Variants in MOG observed in about 807,000 individuals in gnomAD.
MOG encodes the protein myelin oligodendrocyte glycoprotein.
Under a neutral mutation model 35.9 loss-of-function variants are expected in MOG, and 20 were observed. That is an observed-to-expected ratio of 0.56 (90% CI 0.39 to 0.81). The LOEUF is 0.81. Among genes scored for constraint, MOG ranks in the 30% least tolerant of loss-of-function variants. The probability of loss-of-function intolerance (pLI) is 0.00; values close to 1 mark genes in which losing one functional copy is unlikely to be tolerated. For missense variants in MOG, 251 were observed against 301.0 expected (o/e 0.83, Z 1.23); for synonymous variants, 92 against 114.3 (o/e 0.80, Z 1.25).
rs1768909983 is a variant in MOG, at chr6:29,662,016, C to T, written c.436+2350C>T. 1.0e-6 allele frequency: 1 copy of T among 985,204 alleles called. No homozygotes were observed. The highest frequency in any genetic ancestry group is 1.2e-6 in the Non-Finnish European group (1 of 829,932). The allele number at this position is 985,204 out of a possible 1,614,324, so 61.0% of individuals were successfully genotyped here. ...AGGCTTTGGAGCCAGGAAGTTGAGA[C>T]AAATTTAGGAATGAGATGAAGTAAT... On this transcript the variant is annotated intron_variant, in intron 2 of 7. Transcript: ENST00000376917. The surrounding 1 kb of genome is among the most constrained non-coding windows in gnomAD (Gnocchi z 4.2).
rs1263962041 is a variant in MOG, at chr6:29,671,363, T to C, written c.*178T>C. 1.2e-6 allele frequency: 2 copies of C among 1,612,174 alleles called. No homozygotes were observed. Among genetic ancestry groups the C allele is most frequent in the African/African-American group, 2.7e-5 (2 of 74,930 alleles). On this transcript the variant is annotated 3_prime_UTR_variant, in exon 8 of 8. Coordinates refer to ENST00000376917, the MANE Select transcript of MOG (RefSeq NM_206809.4). Reference sequence around the variant, plus strand: ...AGAATTGATTTCCCTTCTTCTGTCATCTACCTTTTCTCTTCATTTTCCCAT... The same window carrying C: ...AGAATTGATTTCCCTTCTTCTGTCACCTACCTTTTCTCTTCATTTTCCCAT...
At chr6:29,659,153 GGAAGAAGAA>G (rs10548565) in intron 1 of MOG, among the ~76,000 whole-genome samples, 157 bp from the exon 2 acceptor site, 2 of 151,838 alleles carry the variant, frequency 1.3e-5, no homozygotes, top group Admixed American at 1.3e-4. Context: ...TAAATAAAAA[GGAAGAAGAA>G]GAAGAAGAAC....
Position 29,657,179 on chromosome 6 carries a change from C to T in MOG, c.-31C>T, listed in dbSNP as rs773722311. ...GCCTCCACTTGGCCTGACCTTGCTG[C>T]GGGGGCTCTCTGTCCCCAGGAACAG... On this transcript the variant is annotated 5_prime_UTR_variant, in exon 1 of 8. Transcript: ENST00000376917. 1.1e-5 allele frequency: 17 copies of T among 1,536,748 alleles called. No individual in the cohort carries two copies. Among genetic ancestry groups the T allele is most frequent in the Non-Finnish European group, 1.5e-5 (17 of 1,111,760 alleles).
In MOG at chr6:29,662,219, C is replaced by A. The variant is rs1163452115; in HGVS notation, c.436+2553C>A. 1 of 981,568 alleles carries A rather than the reference C, an allele frequency of 1.0e-6. No homozygotes were observed. The highest frequency in any genetic ancestry group is 1.2e-6 in the Non-Finnish European group (1 of 826,606). 60.8% of individuals were successfully genotyped at this position (981,568 alleles called of 1,614,324 possible). A position where few individuals can be genotyped will look rare whatever the true frequency, so the allele number is the denominator to read the frequency against. On this transcript the variant is annotated intron_variant, in intron 2 of 7. Coordinates refer to ENST00000376917, the MANE Select transcript of MOG (RefSeq NM_206809.4). This position sits in a 1 kb window ranked among gnomAD's most constrained non-coding sequence, Gnocchi z 4.2. ...AAAACAAATGCCAGGCGCGGCAGCTCACGCCTGTAATCCCAGCACTTTGGG... is the reference window on the plus strand; with the variant it reads ...AAAACAAATGCCAGGCGCGGCAGCTAACGCCTGTAATCCCAGCACTTTGGG...
In MOG at chr6:29,670,836, A is replaced by C; in HGVS notation, c.730+115A>C. 2 of 1,580,936 alleles carry C rather than the reference A, an allele frequency of 1.3e-6. No individual in the cohort carries two copies. The highest frequency in any genetic ancestry group is 2.3e-5 in the East Asian group (1 of 43,968). ...GATCACATTCCCAGAGGAAAGGAGG[A>C]GCTGGAGAGCCTGGGTGGAGGGAAG... On this transcript the variant is annotated intron_variant, in intron 7 of 7. Transcript: ENST00000376917. The surrounding 1 kb of genome is among the most constrained non-coding windows in gnomAD (Gnocchi z 4.2).
chr6:29,671,515 T>C lies in MOG; in HGVS notation c.*330T>C. Reference sequence around the variant, plus strand: ...TACTGGAGAGCAACACAGGATGGTCTCTGCCATGAACTGGAGGCCAGGAAT... The same window carrying C: ...TACTGGAGAGCAACACAGGATGGTCCCTGCCATGAACTGGAGGCCAGGAAT... On this transcript the variant is annotated 3_prime_UTR_variant, in exon 8 of 8. Transcript: ENST00000376917. 9.0e-7 allele frequency: 1 copy of C among 1,111,732 alleles called. No homozygotes were observed. Among genetic ancestry groups the C allele is most frequent in the Non-Finnish European group, 1.4e-6 (1 of 723,118 alleles). The allele number at this position is 1,111,732 out of a possible 1,614,324, so 68.9% of individuals were successfully genotyped here. A position where few individuals can be genotyped will look rare whatever the true frequency, so the allele number is the denominator to read the frequency against.
At position 29,662,674 on chromosome 6, in the gene MOG, T is replaced by A. The variant is rs992741195; in HGVS notation, c.436+3008T>A. ...GATCATTTCTTTTTTTTCTTTTTAT[T>A]TATTTTGAGACAGGATCTGTCTCTG... On this transcript the variant is annotated intron_variant, in intron 2 of 7. Transcript: ENST00000376917. This position sits in a 1 kb window ranked among gnomAD's most constrained non-coding sequence, Gnocchi z 4.2. 2.0e-5 allele frequency among the ~76,000 whole-genome samples: 3 copies of A among 152,122 alleles called. No homozygotes were observed. Among genetic ancestry groups the A allele is most frequent in the African/African-American group, 7.2e-5 (3 of 41,426 alleles).
chr6:29,670,254 C>A lies in MOG; in HGVS notation c.593-27C>A. 5 of 1,614,140 alleles carry A rather than the reference C, an allele frequency of 3.1e-6. No homozygotes were observed. The highest frequency in any genetic ancestry group is 4.2e-6 in the Non-Finnish European group (5 of 1,180,024). On this transcript the variant is annotated intron_variant, in intron 5 of 7. Transcript: ENST00000376917. This position sits in a 1 kb window ranked among gnomAD's most constrained non-coding sequence, Gnocchi z 4.2. ...GGGCATGAGGGGGAACACATGTTAA[C>A]CCTGTTTGTTCTGGTGAACAATTCA...
intron 2 of MOG, among the ~76,000 whole-genome samples, chr6:29,660,830 TC>T (rs1302857411): frequency 2.0e-5 from 3 of 150,920 alleles, no homozygotes; most frequent in Non-Finnish European, 4.4e-5. Flanking sequence ...TGCCTCAGCC[TC>T]CCGAGTAGCT....
chr6:29,660,842 G>A (rs1306141150), intron 2 of MOG, among the ~76,000 whole-genome samples: 2 of 151,098 alleles, frequency 1.3e-5, no homozygotes, highest in African/African-American at 4.9e-5. Flanking sequence ...CCGAGTAGCT[G>A]AGATTACAGG....
intron 7 of MOG, 144 bp from the exon 8 acceptor site, chr6:29,671,028 G>T: frequency 6.2e-7 from 1 of 1,611,792 alleles, no homozygotes; most frequent in Non-Finnish European, 8.5e-7. Context: ...CACAGCAACT[G>T]CCCAGTGCCT....
rs1201583601 is a variant in MOG, at chr6:29,670,802, C to T, written c.730+81C>T. On this transcript the variant is annotated intron_variant, in intron 7 of 7. Coordinates refer to ENST00000376917, the MANE Select transcript of MOG (RefSeq NM_206809.4). This position sits in a 1 kb window ranked among gnomAD's most constrained non-coding sequence, Gnocchi z 4.2. The stretch of plus-strand genomic sequence containing the variant: ...AGAAGCAACAAGAGGAAGAGGCGGG[C>T]TATTGAGGGATCACATTCCCAGAGG... The T allele has an allele frequency of 1.3e-6, 2 of 1,591,858 alleles. No individual in the cohort carries two copies. Among genetic ancestry groups the T allele is most frequent in the Admixed American group, 1.8e-5 (1 of 55,888 alleles).
At position 29,662,824 on chromosome 6, in the gene MOG, G is replaced by A. The variant is rs1426835806; in HGVS notation, c.436+3158G>A. 6.6e-6 allele frequency among the ~76,000 whole-genome samples: 1 copy of A among 152,026 alleles called. No homozygotes were observed. The highest frequency in any genetic ancestry group is 1.5e-5 in the Non-Finnish European group (1 of 68,016). ...CCACAGGCACACACCACCACACACT[G>A]CTAATGTTTTGTATTTTTTGTAGAG... On this transcript the variant is annotated intron_variant, in intron 2 of 7. Coordinates refer to ENST00000376917, the MANE Select transcript of MOG (RefSeq NM_206809.4). The surrounding 1 kb of genome is among the most constrained non-coding windows in gnomAD (Gnocchi z 4.2).
intron 3 of MOG, among the ~76,000 whole-genome samples, chr6:29,667,029 A>G (rs1770363176): frequency 6.6e-6 from 1 of 152,218 alleles, no homozygotes; most frequent in Non-Finnish European, 1.5e-5. Context: ...CTTCTTCCAC[A>G]CAAAAAAAGG....
chr6:29,666,840 A>G (rs2535249), intron 3 of MOG, among the ~76,000 whole-genome samples: 11,982 of 152,106 alleles, frequency 0.079, 803 homozygotes, highest in African/African-American at 0.17. Flanking sequence ...TGTCTCCCCA[A>G]TGCCAGAGCA....
chr6:29,666,803 C>G (rs1770314375), intron 3 of MOG, among the ~76,000 whole-genome samples: 1 of 152,190 alleles, frequency 6.6e-6, no homozygotes, highest in Non-Finnish European at 1.5e-5. Context: ...CTAGAGCTTT[C>G]ATTCTGAGCC....
chr6:29,665,385 C>T (rs1461501785), intron 2 of MOG, among the ~76,000 whole-genome samples: 8 of 152,028 alleles, frequency 5.3e-5, no homozygotes, highest in African/African-American at 1.5e-4. Flanking sequence ...TGTGAGCCAC[C>T]GCACCTGGCC....
At chr6:29,667,946 C>A (rs1455263779) in intron 5 of MOG, 22 bp downstream of exon 5, 2 of 1,612,492 alleles carry the variant, frequency 1.2e-6, no homozygotes, top group Admixed American at 1.7e-5. Context: ...CATGTCTAGG[C>A]CCTCCCAGGT....
chr6:29,671,355 T>G lies in MOG; in HGVS notation c.*170T>G. On this transcript the variant is annotated 3_prime_UTR_variant, in exon 8 of 8. Coordinates refer to ENST00000376917, the MANE Select transcript of MOG (RefSeq NM_206809.4). Reference sequence around the variant, plus strand: ...TTCCAAGTAGAATTGATTTCCCTTCTTCTGTCATCTACCTTTTCTCTTCAT... The same window carrying G: ...TTCCAAGTAGAATTGATTTCCCTTCGTCTGTCATCTACCTTTTCTCTTCAT... 6.2e-7 allele frequency: 1 copy of G among 1,612,166 alleles called. No individual in the cohort carries two copies.
Sources: allele counts gnomAD v4.1 joint callset (sites outside exome capture counted in the v4.1 genomes callset), GRCh38; gene constraint gnomAD v4.1.1; non-coding constraint Gnocchi (gnomAD v3.1); transcripts MANE v1.5; gene names NCBI Gene and HGNC (gene_info 2026-07-23, HGNC 2026-07-21).